ADAMTS16: variants seen among roughly 807,000 people sequenced by gnomAD.
ADAMTS16 encodes A disintegrin and metalloproteinase with thrombospondin motifs 16.
ADAMTS16 carries 94 observed loss-of-function variants against 145.8 expected under a neutral mutation model. That is an observed-to-expected ratio of 0.64 (90% CI 0.55 to 0.77). The LOEUF (loss-of-function observed/expected upper bound fraction) is 0.77, where lower values mean the gene tolerates loss of function less well. ADAMTS16 is among the 30% of genes least tolerant of loss of function. The pLI is 0.00. For missense variants in ADAMTS16, 1,585 were observed against 1,591.5 expected (o/e 1.00, Z 0.07); for synonymous variants, 659 against 604.3 (o/e 1.09, Z -1.33).
At chr5:5,213,093 A>G (rs1736322454) in intron 10 of ADAMTS16, among the ~76,000 whole-genome samples, 1 of 152,246 alleles carries the variant, frequency 6.6e-6, no homozygotes, top group Non-Finnish European at 1.5e-5. Context: ...TTGCACTATC[A>G]TTGACATATA....
At chr5:5,203,727 G>T (rs1184721127) in intron 9 of ADAMTS16, among the ~76,000 whole-genome samples, 1 of 152,112 alleles carries the variant, frequency 6.6e-6, no homozygotes, top group Non-Finnish European at 1.5e-5. Context: ...TAAATTTCAT[G>T]ACAACAGGGA....
chr5:5,193,144 T>G (rs562230051), intron 8 of ADAMTS16, among the ~76,000 whole-genome samples: 4 of 140,312 alleles, frequency 2.9e-5, no homozygotes, highest in Non-Finnish European at 6.3e-5. Context: ...AAGCAGTGTG[T>G]GTGTGTGTGT....
At chr5:5,318,040 C>T in intron 21 of ADAMTS16, 94 bp from the exon 22 acceptor site, 3 of 1,255,294 alleles carry the variant, frequency 2.4e-6, no homozygotes, top group Non-Finnish European at 3.1e-6. Flanking sequence ...CACTGGCCTG[C>T]AGCAGCAGGC....
intron 8 of ADAMTS16, among the ~76,000 whole-genome samples, chr5:5,193,855 C>T (rs2126581104): frequency 6.6e-6 from 1 of 152,290 alleles, no homozygotes; most frequent in Non-Finnish European, 1.5e-5. Flanking sequence ...AAACCCAGCA[C>T]TTTGAAAGGC....
At chr5:5,249,446 G>A (rs527408127) in intron 17 of ADAMTS16, among the ~76,000 whole-genome samples, 2 of 152,168 alleles carry the variant, frequency 1.3e-5, no homozygotes, top group South Asian at 4.2e-4. Flanking sequence ...CATGAGACCC[G>A]TGAAGGGGGT....
chr5:5,305,146 A>G, intron 20 of ADAMTS16, among the ~76,000 whole-genome samples: 2 of 66,944 alleles, frequency 3.0e-5, no homozygotes, highest in East Asian at 1.0e-3. Context: ...CACACATCCC[A>G]CACCACACAC....
intron 21 of ADAMTS16, among the ~76,000 whole-genome samples, chr5:5,313,729 C>A (rs866493059): frequency 1.7e-4 from 26 of 152,268 alleles, no homozygotes; most frequent in Admixed American, 3.3e-4. Flanking sequence ...ATTAAGACTG[C>A]ATGAGACTGC....
At chr5:5,150,267 G>C (rs751065729) in intron 3 of ADAMTS16, among the ~76,000 whole-genome samples, 20 of 152,176 alleles carry the variant, frequency 1.3e-4, no homozygotes, top group South Asian at 4.1e-4. Context: ...CTGATTTACT[G>C]GGTAGAGATT....
chr5:5,227,545 GTGTC>G (rs199652086), intron 11 of ADAMTS16, among the ~76,000 whole-genome samples: 365 of 128,864 alleles, frequency 2.8e-3, no homozygotes, highest in Middle Eastern at 0.027. Context: ...GTGTGTGTGT[GTGTC>G]TCTACATGCA....
At chr5:5,287,750 TA>T (rs147397128) in intron 18 of ADAMTS16, among the ~76,000 whole-genome samples, 4,203 of 152,290 alleles carry the variant, frequency 0.028, 77 homozygotes, top group East Asian at 0.065. Context: ...GTTTCTTTCT[TA>T]AAACCCATTA....
chr5:5,278,841 T>C (rs2964388), intron 18 of ADAMTS16, among the ~76,000 whole-genome samples: 136,726 of 152,040 alleles, frequency 0.9, 62,192 homozygotes, highest in Non-Finnish European at 0.96. Context: ...TTTTAAATGA[T>C]AGCACATTTT....
chr5:5,209,193 T>C lies in ADAMTS16; in HGVS notation c.1552T>C (p.Cys518Arg), dbSNP rs547851789. 2.5e-6 allele frequency: 4 copies of C among 1,614,050 alleles called. No homozygotes were observed. Among genetic ancestry groups the C allele is most frequent in the Non-Finnish European group, 2.5e-6 (3 of 1,179,904 alleles). ...PGELYDANTQ[C>R]KWQFGEKAKL... ...AGAATTATATGATGCAAACACACAG[T>C]GCAAGTGGCAGTTCGGAGAGAAAGC... Residue 518 changes from cysteine (C) to arginine (R), a missense_variant, in exon 10 of 23, where the codon TGC (cysteine) becomes CGC (arginine). Physicochemically the swap from Cys to Arg is radical, Grantham distance 180. Coordinates refer to ENST00000274181, the MANE Select transcript of ADAMTS16 (RefSeq NM_139056.4).
intron 3 of ADAMTS16, among the ~76,000 whole-genome samples, chr5:5,151,199 C>G (rs1157518192): frequency 6.7e-6 from 1 of 149,332 alleles, no homozygotes; most frequent in Non-Finnish European, 1.5e-5. Context: ...ATCATGGCTT[C>G]CTTTATTTCT....
intron 2 of ADAMTS16, 53 bp downstream of exon 2, chr5:5,140,819 C>T (rs1309008872): frequency 2.7e-6 from 4 of 1,464,722 alleles, no homozygotes; most frequent in Admixed American, 4.3e-5. Flanking sequence ...AGCTCGTAAT[C>T]TCCGTGCCGC....
chr5:5,295,165 T>C (rs1464298312), intron 18 of ADAMTS16, among the ~76,000 whole-genome samples: 1 of 152,248 alleles, frequency 6.6e-6, no homozygotes, highest in East Asian at 1.9e-4. Flanking sequence ...AACATGCTCA[T>C]TGCATATAAT....
chr5:5,202,576 G>T (rs1735990983), intron 9 of ADAMTS16, among the ~76,000 whole-genome samples: 1 of 152,084 alleles, frequency 6.6e-6, no homozygotes, highest in South Asian at 2.1e-4. Context: ...TCTACTCTGG[G>T]TAACAAGGAA....
Position 5,318,187 on chromosome 5 carries a change from T to G in ADAMTS16, c.3465T>G (p.Ala1155=). The change falls in exon 22 of 23, where the codon GCT becomes GCG. Residue 1155 remains alanine (A), a synonymous_variant. Coordinates refer to ENST00000274181, the MANE Select transcript of ADAMTS16 (RefSeq NM_139056.4). ...GVQTRSVQCL[A]GGRPASGCLL... ...AGACGAGGTCCGTGCAGTGCCTGGCTGGGGGCCGGCCGGCCTCAGGCTGCC... is the reference window on the plus strand; with the variant it reads ...AGACGAGGTCCGTGCAGTGCCTGGCGGGGGGCCGGCCGGCCTCAGGCTGCC... 1 of 1,561,038 alleles carries G rather than the reference T, an allele frequency of 6.4e-7. No individual in the cohort carries two copies. The highest frequency in any genetic ancestry group is 8.7e-7 in the Non-Finnish European group (1 of 1,149,408).
chr5:5,312,166 C>T (rs1438320997), intron 21 of ADAMTS16, among the ~76,000 whole-genome samples: 1 of 152,204 alleles, frequency 6.6e-6, no homozygotes, highest in African/African-American at 2.4e-5. Context: ...CTCCCCAGCT[C>T]TGCGTGCTTT....
At chr5:5,263,046 C>A (rs1738090236) in intron 18 of ADAMTS16, among the ~76,000 whole-genome samples, 1 of 152,212 alleles carries the variant, frequency 6.6e-6, no homozygotes, top group Non-Finnish European at 1.5e-5. Context: ...TAATTGGTTG[C>A]AGGCTGGCAG....
Sources: gnomAD v4.1 joint callset for allele counts (sites outside exome capture counted in the v4.1 genomes callset) on GRCh38, gnomAD v4.1.1 for gene constraint, MANE v1.5 for transcripts, NCBI Gene and HGNC (gene_info 2026-07-23, HGNC 2026-07-21) for gene names.